The following TMEM131L variants were observed in gnomAD, a reference collection of about 807,000 sequenced individuals.
TMEM131L encodes transmembrane protein 131-like.
In TMEM131L, 54 loss-of-function variants were observed where a neutral mutation model predicts 192.2. The ratio of observed to expected loss-of-function variants is 0.28; its 90% CI spans 0.23 to 0.35. TMEM131L has a LOEUF of 0.35. Ranked by LOEUF, TMEM131L falls within the 10% of genes least tolerant of loss-of-function variation. TMEM131L has a pLI of 1.00. For missense variants in TMEM131L, 1,888 were observed against 1,972.9 expected, an observed-to-expected ratio of 0.96 and a Z score of 0.82; for synonymous variants, 701 against 704.9, an observed-to-expected ratio of 0.99 and a Z score of 0.09.
chr4:153,601,495 C>A (rs1731836444), intron 21 of TMEM131L, among the ~76,000 whole-genome samples: 1 of 152,210 alleles, frequency 6.6e-6, no homozygotes, highest in African/African-American at 2.4e-5. Context: ...CCACTATACT[C>A]CAGCCTGGGC....
chr4:153,623,119 G>A (rs753489311), intron 29 of TMEM131L, 36 bp downstream of exon 29: 2 of 1,522,574 alleles, frequency 1.3e-6, no homozygotes, highest in Non-Finnish European at 8.8e-7. Flanking sequence ...ACTCTCGGTG[G>A]CCCTTCCCTC....
chr4:153,574,760 G>A (rs555480872), intron 7 of TMEM131L, among the ~76,000 whole-genome samples: 20 of 152,154 alleles, frequency 1.3e-4, no homozygotes, highest in African/African-American at 4.6e-4. Flanking sequence ...GCAAATTTTT[G>A]TATTTTTACT....
chr4:153,586,625 G>T (rs1381928773), intron 14 of TMEM131L, among the ~76,000 whole-genome samples: 1 of 152,156 alleles, frequency 6.6e-6, no homozygotes, highest in Non-Finnish European at 1.5e-5. Flanking sequence ...ATGACCAATA[G>T]ATTAATAGAT....
intron 26 of TMEM131L, among the ~76,000 whole-genome samples, chr4:153,620,431 A>G (rs1733307377): frequency 6.6e-6 from 1 of 152,250 alleles, no homozygotes; most frequent in Non-Finnish European, 1.5e-5. Flanking sequence ...TGAGTTGCAC[A>G]TACCAAATTA....
At chr4:153,488,074 C>T (rs184342798) in intron 3 of TMEM131L, among the ~76,000 whole-genome samples, 1 of 145,866 alleles carries the variant, frequency 6.9e-6, no homozygotes. Context: ...TGAGAGAGAC[C>T]CTGGTGAGCC....
At chr4:153,478,681 G>A (rs765592450) in intron 3 of TMEM131L, among the ~76,000 whole-genome samples, 29 of 151,910 alleles carry the variant, frequency 1.9e-4, no homozygotes, top group Non-Finnish European at 3.5e-4. Context: ...GAGATTTGTC[G>A]GTTCTCATTT....
intron 21 of TMEM131L, among the ~76,000 whole-genome samples, chr4:153,601,241 A>G (rs567112156): frequency 1.3e-5 from 2 of 152,282 alleles, no homozygotes; most frequent in South Asian, 4.2e-4. Context: ...TATAAAAACT[A>G]TAGAACCAGA....
chr4:153,550,475 C>T (rs7659667), intron 4 of TMEM131L, among the ~76,000 whole-genome samples: 52 of 151,912 alleles, frequency 3.4e-4, no homozygotes, highest in African/African-American at 1.2e-3. Context: ...TACAGGCACC[C>T]GCCACCACGC....
At chr4:153,562,392 C>G (rs1728906843) in intron 7 of TMEM131L, among the ~76,000 whole-genome samples, 1 of 152,040 alleles carries the variant, frequency 6.6e-6, no homozygotes, top group Non-Finnish European at 1.5e-5. Context: ...AAATTTAAAC[C>G]TAAGAAATAA....
At chr4:153,629,284 C>T (rs1561260235) in intron 31 of TMEM131L, among the ~76,000 whole-genome samples, 1 of 152,204 alleles carries the variant, frequency 6.6e-6, no homozygotes, top group Non-Finnish European at 1.5e-5. Context: ...GAAGTGGTTA[C>T]AGGCCTTCAG....
intron 29 of TMEM131L, among the ~76,000 whole-genome samples, chr4:153,625,613 T>C (rs937954296): frequency 1.3e-5 from 2 of 152,062 alleles, no homozygotes; most frequent in Admixed American, 1.3e-4. Flanking sequence ...ATGTGAAATA[T>C]GATTCCAATT....
chr4:153,602,286 G>A lies in TMEM131L; in HGVS notation c.2401G>A (p.Asp801Asn). Residue 801 changes from aspartate (D) to asparagine (N), a missense_variant, in exon 22 of 35, where the codon GAT becomes AAT. By Grantham distance (23) the Asp-to-Asn change is conservative (BLOSUM62 1). Transcript: ENST00000409959. ...CCAAGGTTATGGATTCGAGGTGCTG[G>A]ATTGTCATCAGTTTTCCCTGGACCC... The part of the protein sequence containing the change: ...NCQGYGFEVL[D>N]CHQFSLDPNT... The A allele has an allele frequency of 1.2e-6, 2 of 1,613,768 alleles. No homozygotes were observed. Among genetic ancestry groups the A allele is most frequent in the South Asian group, 1.1e-5 (1 of 90,944 alleles).
chr4:153,498,717 A>G (rs561247964), intron 3 of TMEM131L, among the ~76,000 whole-genome samples: 35 of 152,188 alleles, frequency 2.3e-4, no homozygotes, highest in Non-Finnish European at 4.9e-4. Context: ...CCTACTGAGC[A>G]AGGCTGGCTT....
At chr4:153,584,559 C>T (rs1053441463) in intron 11 of TMEM131L, among the ~76,000 whole-genome samples, 2 of 152,194 alleles carry the variant, frequency 1.3e-5, no homozygotes, top group Non-Finnish European at 2.9e-5. Flanking sequence ...CTTGCTCGTG[C>T]CTCCACACAT....
At chr4:153,625,780 C>A (rs1733799900) in intron 29 of TMEM131L, among the ~76,000 whole-genome samples, 1 of 151,926 alleles carries the variant, frequency 6.6e-6, no homozygotes, top group African/African-American at 2.4e-5. Flanking sequence ...TGGTGGTGCA[C>A]ACCTGTAATC....
rs562216260 is a variant in TMEM131L at position 153,623,141 on chromosome 4, G to A, written c.4045+58G>A. On this transcript the variant is annotated intron_variant, in intron 29 of 34. Coordinates refer to ENST00000409959, the MANE Select transcript of TMEM131L (RefSeq NM_001131007.2). The stretch of plus-strand genomic sequence containing the variant: ...GTGGCCCTTCCCTCTGCCCTCCCAC[G>A]TACCCAGTCCACACAGTCTCGATCT... 1.4e-4 allele frequency: 195 copies of A among 1,440,890 alleles called. No individual in the cohort carries two copies. The African/African-American group carries it at 2.2e-3, about 17-fold the overall frequency. 89.3% of individuals were successfully genotyped at this position (1,440,890 alleles called of 1,614,324 possible).
intron 4 of TMEM131L, among the ~76,000 whole-genome samples, chr4:153,553,193 C>T (rs753490455): frequency 5.3e-5 from 8 of 151,972 alleles, no homozygotes; most frequent in Non-Finnish European, 7.4e-5. Flanking sequence ...TAATCATGTC[C>T]GTTGTCATTT....
chr4:153,544,717 C>G (rs1737041426), intron 3 of TMEM131L, among the ~76,000 whole-genome samples: 1 of 152,200 alleles, frequency 6.6e-6, no homozygotes, highest in Non-Finnish European at 1.5e-5. Context: ...GCCCCATTCT[C>G]CAAAGGCTTT....
At chr4:153,516,790 C>G (rs919425999) in intron 3 of TMEM131L, among the ~76,000 whole-genome samples, 1 of 152,054 alleles carries the variant, frequency 6.6e-6, no homozygotes, top group East Asian at 1.9e-4. Context: ...CACTAGGTAC[C>G]AGTACTTTTT....
Sources: allele counts gnomAD v4.1 joint callset (sites outside exome capture counted in the v4.1 genomes callset), GRCh38; gene constraint gnomAD v4.1.1; transcripts MANE v1.5; gene names NCBI Gene and HGNC (gene_info 2026-07-23, HGNC 2026-07-21).